Variants in CRTAC1 observed in about 807,000 individuals in gnomAD.
The protein encoded by CRTAC1 is acidic secreted protein in cartilage.
A neutral mutation model predicts 67.8 loss-of-function variants in CRTAC1; 37 were observed. That is an observed-to-expected ratio of 0.55 (90% CI 0.42 to 0.72). The LOEUF is 0.72. CRTAC1 is among the 30% of genes least tolerant of loss of function. The pLI, the probability that CRTAC1 is intolerant of heterozygous loss-of-function variation, is 0.00. For synonymous variants in CRTAC1, 348 were observed against 371.0 expected, an observed-to-expected ratio of 0.94 and a Z score of 0.71; for missense variants, 780 against 931.6, an observed-to-expected ratio of 0.84 and a Z score of 2.12.
At chr10:97,929,855 GTATAAAAGGCTT>G (rs1475471901) in intron 3 of CRTAC1, among the ~76,000 whole-genome samples, 1 of 152,204 alleles carries the variant, frequency 6.6e-6, no homozygotes, top group Non-Finnish European at 1.5e-5. Flanking sequence ...GTGATGTTAA[GTATAAAAGGCTT>G]TATAAGACTT....
chr10:97,977,942 G>T (rs986747468), intron 2 of CRTAC1, among the ~76,000 whole-genome samples: 2 of 152,136 alleles, frequency 1.3e-5, no homozygotes. Flanking sequence ...TGATGGGGAG[G>T]GGAGGCCTTT....
intron 1 of CRTAC1, among the ~76,000 whole-genome samples, chr10:98,025,213 C>T (rs528396217): frequency 6.6e-6 from 1 of 152,210 alleles, no homozygotes; most frequent in Admixed American, 6.5e-5. Context: ...ATGCTCCAGT[C>T]CCGGGTTTCT....
intron 2 of CRTAC1, among the ~76,000 whole-genome samples, chr10:97,963,038 T>TC (rs2051553693): frequency 6.6e-6 from 1 of 151,820 alleles, no homozygotes; most frequent in South Asian, 2.1e-4. Flanking sequence ...GCTCCTCCTC[T>TC]CCCCCATAGA....
intron 11 of CRTAC1, among the ~76,000 whole-genome samples, chr10:97,891,893 G>A (rs373583545): frequency 5.6e-4 from 85 of 152,340 alleles, no homozygotes; most frequent in East Asian, 4.6e-3. Flanking sequence ...CTGCTGAGGC[G>A]CCTCGTGACC....
intron 2 of CRTAC1, among the ~76,000 whole-genome samples, chr10:97,952,443 C>G (rs867062810): frequency 1.4e-5 from 2 of 144,118 alleles, no homozygotes; most frequent in South Asian, 2.1e-4. Context: ...GAGGCTGAGG[C>G]AGAAGAATTG....
At chr10:97,991,597 A>G (rs1206397529) in intron 2 of CRTAC1, among the ~76,000 whole-genome samples, 5 of 152,168 alleles carry the variant, frequency 3.3e-5, no homozygotes, top group African/African-American at 1.2e-4. Context: ...CACACTAACT[A>G]TTGAGCACCT....
At chr10:97,916,127 C>T (rs759615979) in intron 5 of CRTAC1, among the ~76,000 whole-genome samples, 11 of 152,112 alleles carry the variant, frequency 7.2e-5, no homozygotes, top group Non-Finnish European at 1.5e-4. Flanking sequence ...CTCCCTTCCA[C>T]CTTGTCATTT....
chr10:97,966,459 A>G lies in CRTAC1; in HGVS notation c.225-30093T>C, dbSNP rs140703163. On this transcript the variant is annotated intron_variant, in intron 2 of 14. Coordinates refer to ENST00000370597, the MANE Select transcript of CRTAC1 (RefSeq NM_018058.7). ...TTTAGTTTAGGATAGTCTTAAGTTT[A>G]CAGAAAAATTGCAAGGGTAGTATAG... is the stretch of plus-strand genomic sequence containing the variant. Among the ~76,000 whole-genome samples, 3 of 152,342 alleles carry G rather than the reference A, an allele frequency of 2.0e-5. No individual in the cohort carries two copies. The East Asian group carries it at 5.8e-4, about 29-fold the overall frequency.
intron 2 of CRTAC1, among the ~76,000 whole-genome samples, chr10:97,988,495 G>A (rs2052021450): frequency 6.6e-6 from 1 of 152,150 alleles, no homozygotes; most frequent in Non-Finnish European, 1.5e-5. Flanking sequence ...GCCGAGGCAG[G>A]CGGATCACTT....
chr10:98,028,937 C>T (rs966598254), intron 1 of CRTAC1, among the ~76,000 whole-genome samples: 8 of 152,160 alleles, frequency 5.3e-5, no homozygotes, highest in African/African-American at 1.9e-4. Flanking sequence ...CCGTTTCGAC[C>T]TTTTCCAGAG....
intron 8 of CRTAC1, among the ~76,000 whole-genome samples, chr10:97,899,623 G>C (rs1053868064): frequency 2.0e-5 from 3 of 152,240 alleles, no homozygotes; most frequent in Admixed American, 2.0e-4. Context: ...TTTTCGCAAG[G>C]CACCTAATTA....
chr10:97,942,923 T>G (rs548939500), intron 2 of CRTAC1, among the ~76,000 whole-genome samples: 1 of 151,792 alleles, frequency 6.6e-6, no homozygotes, highest in East Asian at 1.9e-4. Context: ...AATAAAAAAT[T>G]TAGCCGGGTG....
chr10:97,915,611 C>T (rs1401460352), intron 5 of CRTAC1, among the ~76,000 whole-genome samples: 1 of 152,070 alleles, frequency 6.6e-6, no homozygotes, highest in Non-Finnish European at 1.5e-5. Flanking sequence ...CATTTGGGGT[C>T]CATTCCTGGG....
At chr10:97,935,586 A>G (rs2051073921) in intron 3 of CRTAC1, among the ~76,000 whole-genome samples, 2 of 152,178 alleles carry the variant, frequency 1.3e-5, no homozygotes, top group Non-Finnish European at 2.9e-5. Flanking sequence ...CTCCTGCAAG[A>G]AAAGGCTCCA....
intron 5 of CRTAC1, among the ~76,000 whole-genome samples, chr10:97,915,710 G>A (rs551709530): frequency 6.6e-6 from 1 of 151,948 alleles, no homozygotes; most frequent in African/African-American, 2.4e-5. Flanking sequence ...ACAGGGTAGT[G>A]TTGGGGGGCT....
intron 14 of CRTAC1, among the ~76,000 whole-genome samples, chr10:97,876,821 T>G (rs1273724221): frequency 1.3e-5 from 2 of 151,896 alleles, no homozygotes. Flanking sequence ...ATGCTGAGCC[T>G]GGGTAGCTTG....
intron 1 of CRTAC1, among the ~76,000 whole-genome samples, chr10:98,017,876 C>A (rs918524518): frequency 1.3e-5 from 2 of 151,694 alleles, no homozygotes; most frequent in Non-Finnish European, 2.9e-5. Context: ...ACTTTTTGAA[C>A]AATTCCCAGC....
At chr10:97,915,078 C>T (rs938180044) in intron 5 of CRTAC1, among the ~76,000 whole-genome samples, 2 of 152,216 alleles carry the variant, frequency 1.3e-5, no homozygotes, top group Non-Finnish European at 2.9e-5. Flanking sequence ...GGACCTCCCC[C>T]GCTGTCCTGA....
chr10:98,001,377 C>T (rs1842685260), intron 2 of CRTAC1, among the ~76,000 whole-genome samples: 1 of 152,074 alleles, frequency 6.6e-6, no homozygotes, highest in Non-Finnish European at 1.5e-5. Flanking sequence ...GACCTGTTTC[C>T]TCATCTGCAA....
Sources: allele counts gnomAD v4.1 joint callset (sites outside exome capture counted in the v4.1 genomes callset), GRCh38; gene constraint gnomAD v4.1.1; transcripts MANE v1.5; gene names NCBI Gene and HGNC (gene_info 2026-07-23, HGNC 2026-07-21).